ATG5: variants seen among roughly 807,000 people sequenced by gnomAD.
ATG5 encodes autophagy related 5, also known as autophagy protein 5.
Under a neutral mutation model 36.5 loss-of-function variants are expected in ATG5, and 14 were observed. The ratio of observed to expected loss-of-function variants is 0.38; its 90% CI spans 0.25 to 0.60. ATG5 has a LOEUF of 0.60. Among genes scored for constraint, ATG5 ranks in the 20% least tolerant of loss-of-function variants. ATG5 has a pLI of 0.60. For missense variants in ATG5, 195 were observed against 326.7 expected (o/e 0.60, Z 3.11); for synonymous variants, 95 against 101.5 (o/e 0.94, Z 0.38).
chr6:106,187,673 A>G (rs533112873), intron 7 of ATG5, among the ~76,000 whole-genome samples: 1 of 152,326 alleles, frequency 6.6e-6, no homozygotes, highest in South Asian at 2.1e-4. Flanking sequence ...GAAATACCCT[A>G]CGTTTTCCTT....
intron 6 of ATG5, among the ~76,000 whole-genome samples, chr6:106,224,121 C>A (rs1171587703): frequency 6.6e-6 from 1 of 152,228 alleles, no homozygotes; most frequent in Non-Finnish European, 1.5e-5. Context: ...TAGAAGCACT[C>A]TGGGAGCCAA....
At chr6:106,187,365 T>C (rs1775814978) in intron 7 of ATG5, among the ~76,000 whole-genome samples, 1 of 152,194 alleles carries the variant, frequency 6.6e-6, no homozygotes, top group Non-Finnish European at 1.5e-5. Flanking sequence ...TTAAATTCAA[T>C]TGTATTCCAA....
intron 7 of ATG5, among the ~76,000 whole-genome samples, chr6:106,188,202 C>CCT (rs1278497362): frequency 1.3e-4 from 20 of 152,044 alleles, no homozygotes; most frequent in Non-Finnish European, 1.5e-5. Context: ...ATGGAGAAAC[C>CCT]CTCAGCTATC....
At chr6:106,289,623 GATTAT>G (rs1421429859) in intron 4 of ATG5, among the ~76,000 whole-genome samples, 1 of 151,956 alleles carries the variant, frequency 6.6e-6, no homozygotes, top group Non-Finnish European at 1.5e-5. Flanking sequence ...TATTTATGTG[GATTAT>G]ATTACTGATA....
intron 6 of ATG5, among the ~76,000 whole-genome samples, chr6:106,246,717 G>A (rs573290777): frequency 1.2e-4 from 19 of 152,142 alleles, no homozygotes; most frequent in South Asian, 4.2e-4. Flanking sequence ...AACAGTTTCC[G>A]GACTCTTTGT....
intron 6 of ATG5, among the ~76,000 whole-genome samples, chr6:106,231,969 A>G (rs1194877780): frequency 6.6e-6 from 1 of 152,196 alleles, no homozygotes; most frequent in Non-Finnish European, 1.5e-5. Context: ...AGGACACTTT[A>G]AAAAAGATTG....
At position 106,257,431 on chromosome 6, in the gene ATG5, T is replaced by C. The variant is rs1778843968; in HGVS notation, c.479-9187A>G. On this transcript the variant is annotated intron_variant, in intron 5 of 7. Transcript: ENST00000369076. ...CCACAAATCTATGAGTAATGCATTG[T>C]GCTATGATGGTACAAGGGCTATCAG... Among the ~76,000 whole-genome samples the C allele has an allele frequency of 3.3e-5, 5 of 152,194 alleles. No homozygotes were observed. The South Asian group carries it at 1.0e-3, about 31-fold the overall frequency.
intron 5 of ATG5, among the ~76,000 whole-genome samples, chr6:106,262,984 A>C (rs1458107410): frequency 6.6e-6 from 1 of 152,180 alleles, no homozygotes; most frequent in African/African-American, 2.4e-5. Context: ...CTGGAACCCC[A>C]GAGAGACAGA....
chr6:106,321,792 T>C (rs1028453810), intron 1 of ATG5, among the ~76,000 whole-genome samples: 1 of 152,200 alleles, frequency 6.6e-6, no homozygotes, highest in Non-Finnish European at 1.5e-5. Context: ...CTTATCTGTC[T>C]CCTGCCCCTC....
chr6:106,253,512 C>G (rs553079901), intron 5 of ATG5, among the ~76,000 whole-genome samples: 11 of 152,258 alleles, frequency 7.2e-5, no homozygotes, highest in African/African-American at 2.6e-4. Flanking sequence ...ACATTTACTC[C>G]TTTACCCTAC....
At chr6:106,289,589 C>T (rs1780221780) in intron 4 of ATG5, among the ~76,000 whole-genome samples, 1 of 151,934 alleles carries the variant, frequency 6.6e-6, no homozygotes, top group Admixed American at 6.6e-5. Context: ...AATGTATGAC[C>T]TACTAAGGAT....
At chr6:106,223,433 CAA>C (rs1562220714) in intron 6 of ATG5, among the ~76,000 whole-genome samples, 1 of 152,144 alleles carries the variant, frequency 6.6e-6, no homozygotes, top group African/African-American at 2.4e-5. Context: ...ACATAGGAAG[CAA>C]TTTAAGCCTA....
At chr6:106,254,902 T>C (rs62422881) in intron 5 of ATG5, among the ~76,000 whole-genome samples, 23,207 of 152,246 alleles carry the variant, frequency 0.15, 2,122 homozygotes, top group Non-Finnish European at 0.2. Context: ...GTTGGAGTTA[T>C]GCAATTGAGC....
intron 3 of ATG5, among the ~76,000 whole-genome samples, chr6:106,308,129 T>C (rs936839687): frequency 2.0e-5 from 3 of 152,348 alleles, no homozygotes; most frequent in Admixed American, 6.5e-5. Context: ...TATTGTACCA[T>C]ATAAAAATCT....
chr6:106,295,123 C>T (rs1212494640), intron 3 of ATG5, among the ~76,000 whole-genome samples: 1 of 151,794 alleles, frequency 6.6e-6, no homozygotes, highest in Admixed American at 6.6e-5. Context: ...AGATTTAATC[C>T]AATTCTGATC....
intron 1 of ATG5, among the ~76,000 whole-genome samples, chr6:106,316,580 G>A (rs1770858678): frequency 6.6e-6 from 1 of 152,086 alleles, no homozygotes; most frequent in Non-Finnish European, 1.5e-5. Context: ...AGAGTCTACT[G>A]CTTACCTAAA....
At chr6:106,281,098 TAAAG>T (rs1779862083) in intron 4 of ATG5, among the ~76,000 whole-genome samples, 2 of 152,030 alleles carry the variant, frequency 1.3e-5, no homozygotes, top group African/African-American at 2.4e-5. Flanking sequence ...AATGAAAAGA[TAAAG>T]AAAGAAGCTC....
At chr6:106,317,442 G>A (rs1770893729) in intron 1 of ATG5, among the ~76,000 whole-genome samples, 2 of 151,922 alleles carry the variant, frequency 1.3e-5, no homozygotes, top group African/African-American at 2.4e-5. Flanking sequence ...CATTAAGATG[G>A]TATAAATTAA....
chr6:106,250,061 T>C (rs1778509758), intron 5 of ATG5, among the ~76,000 whole-genome samples: 2 of 152,200 alleles, frequency 1.3e-5, no homozygotes, highest in Non-Finnish European at 2.9e-5. Context: ...ACTCCTTTTT[T>C]TTTAACTCAC....
Sources: allele counts gnomAD v4.1 joint callset (sites outside exome capture counted in the v4.1 genomes callset), GRCh38; gene constraint gnomAD v4.1.1; transcripts MANE v1.5; gene names NCBI Gene and HGNC (gene_info 2026-07-23, HGNC 2026-07-21).